Variants in A2ML1 observed in about 807,000 individuals in gnomAD.
The protein encoded by A2ML1 is alpha-2-macroglobulin-like protein 1.
A neutral mutation model predicts 181.9 loss-of-function variants in A2ML1; 161 were observed. That is an observed-to-expected ratio of 0.89 (90% CI 0.78 to 1.01). The LOEUF (loss-of-function observed/expected upper bound fraction) is 1.01, where lower values mean the gene tolerates loss of function less well. Ranked by LOEUF, A2ML1 falls within the 50% of genes least tolerant of loss-of-function variation. The pLI, the probability that A2ML1 is intolerant of heterozygous loss-of-function variation, is 0.00. For synonymous variants in A2ML1, 663 were observed against 666.8 expected (o/e 0.99, Z 0.09); for missense variants, 1,670 against 1,768.1 (o/e 0.94, Z 1.00).
chr12:8,877,906 C>A (rs963751066), downstream of A2ML1, among the ~76,000 whole-genome samples: 4 of 152,150 alleles, frequency 2.6e-5, no homozygotes, highest in African/African-American at 9.7e-5. Flanking sequence ...CAGCACTATT[C>A]ACAATAGCAA....
chr12:8,828,574 G>GGCA (rs1474108016), intron 3 of A2ML1, among the ~76,000 whole-genome samples: 3 of 152,042 alleles, frequency 2.0e-5, no homozygotes, highest in Admixed American at 2.0e-4. Context: ...CGACCCCAAG[G>GGCA]GCCTGCTTGG....
In A2ML1 at chr12:8,868,231, C is replaced by T. The variant is rs201083574; in HGVS notation, c.3935C>T (p.Thr1312Met). The T allele has an allele frequency of 4.3e-5, 69 of 1,613,754 alleles. No homozygotes were observed. Among genetic ancestry groups the T allele is most frequent in the Middle Eastern group, 1.6e-4 (1 of 6,082 alleles). The change falls in exon 31 of 36, where the codon ACG becomes ATG. Residue 1312 changes from threonine to methionine, a missense_variant and splice_region_variant. By Grantham distance (81) the Thr-to-Met change is moderately conservative. Coordinates refer to ENST00000299698, the MANE Select transcript of A2ML1 (RefSeq NM_144670.6). The stretch of plus-strand genomic sequence containing the variant: ...TGGCTACCTATTTCTTCCTACCAGA[C>T]GGTGTTGAGATACAATATTCTCCCT... ...ASGQGCVYVQTVLRYNILPPT... is the reference protein window; with the variant it reads ...ASGQGCVYVQMVLRYNILPPT...
chr12:8,837,657 G>A (rs541685406), intron 8 of A2ML1, 91 bp downstream of exon 8: 322 of 1,375,396 alleles, frequency 2.3e-4, no homozygotes, highest in Non-Finnish European at 2.8e-4. Flanking sequence ...CGAGATGGGC[G>A]GATCACGAGG....
rs1592125869 is a variant in A2ML1, at chr12:8,844,601, G to C, written c.1477-841G>C. On this transcript the variant is annotated intron_variant, in intron 12 of 35. Transcript: ENST00000299698. The stretch of plus-strand genomic sequence containing the variant: ...ATGGAAACCTCAGGTTTGATGGCTC[G>C]GAGCCTCTTTGTTCCGTTATCCTCC... Among the ~76,000 whole-genome samples the C allele has an allele frequency of 2.0e-5, 3 of 152,098 alleles. No homozygotes were observed. In the South Asian group the frequency reaches 6.2e-4, roughly 32 times the overall value.
Position 8,841,555 on chromosome 12 carries a change from C to G in A2ML1, c.1248+19C>G. 1 of 1,590,534 alleles carries G rather than the reference C, an allele frequency of 6.3e-7. No homozygotes were observed. Among genetic ancestry groups the G allele is most frequent in the Non-Finnish European group, 8.6e-7 (1 of 1,168,080 alleles). On this transcript the variant is annotated intron_variant, in intron 11 of 35. Transcript: ENST00000299698. ...TCTGGAGGTAAGCATGGACGGAGGACCAGCTTCCTAGAAAGGAAGGCTTCC... is the reference window on the plus strand; with the variant it reads ...TCTGGAGGTAAGCATGGACGGAGGAGCAGCTTCCTAGAAAGGAAGGCTTCC...
At chr12:8,830,387 C>T (rs1303164644) in intron 4 of A2ML1, among the ~76,000 whole-genome samples, 1 of 143,170 alleles carries the variant, frequency 7.0e-6, no homozygotes, top group Non-Finnish European at 1.5e-5. Flanking sequence ...AACTTCAAGA[C>T]CTTTTCTTCA....
chr12:8,846,541 C>CA (rs1245689094), intron 14 of A2ML1, among the ~76,000 whole-genome samples: 2 of 151,976 alleles, frequency 1.3e-5, no homozygotes, highest in Non-Finnish European at 2.9e-5. Flanking sequence ...CCTGTCTGTA[C>CA]AAAAAAATTT....
chr12:8,836,338 A>C lies in A2ML1; in HGVS notation c.727A>C (p.Arg243=), dbSNP rs1300561154. The C allele has an allele frequency of 6.2e-7, 1 of 1,612,912 alleles. No homozygotes were observed. ...ATCTTTCTTAGTAAAAATTTGTTGTAGGTAAGAGCAGAAGCTTGGGATCTG... is the reference window on the plus strand; with the variant it reads ...ATCTTTCTTAGTAAAAATTTGTTGTCGGTAAGAGCAGAAGCTTGGGATCTG... ...QESFLVKICC[R]YTYGKPMLGA... is the part of the protein sequence containing the mutation. The change falls in exon 7 of 36, where the codon AGG becomes CGG. Residue 243 remains arginine (R), a splice_region_variant and synonymous_variant. Coordinates refer to ENST00000299698, the MANE Select transcript of A2ML1 (RefSeq NM_144670.6).
In A2ML1 at chr12:8,868,564, T is replaced by C; in HGVS notation, c.4089T>C (p.Asn1363=). ...ATGTGGGGAGCCGTAGCTCTTCCAATATGGCTATTGTGGAAGTGAAGATGC... is the reference window on the plus strand; with the variant it reads ...ATGTGGGGAGCCGTAGCTCTTCCAACATGGCTATTGTGGAAGTGAAGATGC... ...TSYVGSRSSS[N]MAIVEVKMLS... is the part of the protein sequence containing the mutation. Residue 1363 remains asparagine (N), a synonymous_variant, in exon 32 of 36, where the codon AAT becomes AAC. Coordinates refer to ENST00000299698, the MANE Select transcript of A2ML1 (RefSeq NM_144670.6). 6.2e-7 allele frequency: 1 copy of C among 1,614,080 alleles called. No homozygotes were observed. Among genetic ancestry groups the C allele is most frequent in the Non-Finnish European group, 8.5e-7 (1 of 1,180,016 alleles).
At chr12:8,867,219 T>C (rs1292919928) in intron 29 of A2ML1, among the ~76,000 whole-genome samples, 1 of 152,254 alleles carries the variant, frequency 6.6e-6, no homozygotes, top group Admixed American at 6.5e-5. Context: ...CTGTAAAATA[T>C]ATACTGAACA....
intron 24 of A2ML1, 61 bp downstream of exon 24, chr12:8,857,401 G>T: frequency 6.8e-7 from 1 of 1,474,560 alleles, no homozygotes; most frequent in Non-Finnish European, 9.3e-7. Flanking sequence ...ATGACAGATT[G>T]ATGATACAGG....
rs79649806 is a variant in A2ML1 at position 8,823,504 on chromosome 12, A to G, written c.246+139A>G. ...CCTATTTTTTCTCAACTTAACCTCA[A>G]TCCCCGGCTATAACTCACCCACGGT... is the stretch of plus-strand genomic sequence containing the variant. On this transcript the variant is annotated intron_variant, in intron 2 of 35. Coordinates refer to ENST00000299698, the MANE Select transcript of A2ML1 (RefSeq NM_144670.6). 1.6e-3 allele frequency: 1,788 copies of G among 1,113,996 alleles called. 26 individuals carry two copies. In the African/African-American group the frequency reaches 0.026, roughly 16 times the overall value. The allele number at this position is 1,113,996 out of a possible 1,614,324, so 69.0% of individuals were successfully genotyped here. A position where few individuals can be genotyped will look rare whatever the true frequency, so the allele number is the denominator to read the frequency against.
At chr12:8,837,415 G>C in intron 7 of A2ML1, 25 bp from the exon 8 acceptor site, 8 of 1,611,990 alleles carry the variant, frequency 5.0e-6, no homozygotes, top group Non-Finnish European at 5.9e-6. Context: ...TCCCAACTCT[G>C]ACTCCTTATG....
chr12:8,841,495 T>G lies in A2ML1; in HGVS notation c.1207T>G (p.Leu403Val). The G allele has an allele frequency of 6.2e-7, 1 of 1,614,122 alleles. No homozygotes were observed. Among genetic ancestry groups the G allele is most frequent in the Non-Finnish European group, 8.5e-7 (1 of 1,180,010 alleles). Residue 403 changes from leucine (L) to valine (V), a missense_variant, in exon 11 of 36, where the codon TTG becomes GTG. Transcript: ENST00000299698. ...TDNNGLAPFTLETSGWNGTDV... is the reference protein window; with the variant it reads ...TDNNGLAPFTVETSGWNGTDV... ...TAACAATGGCCTAGCTCCCTTTACC[T>G]TGGAGACATCCGGTTGGAATGGGAC...
chr12:8,849,481 C>A (rs1451099494), intron 16 of A2ML1, among the ~76,000 whole-genome samples, 188 bp from the exon 17 acceptor site: 2 of 152,192 alleles, frequency 1.3e-5, no homozygotes, highest in East Asian at 3.8e-4. Context: ...TAACTGAAAG[C>A]CTTTCATGCT....
At position 8,838,321 on chromosome 12, in the gene A2ML1, T is replaced by C. The variant is rs754507474; in HGVS notation, c.856-15T>C. 9.4e-6 allele frequency: 15 copies of C among 1,589,132 alleles called. No homozygotes were observed. The Admixed American group carries it at 2.5e-4, about 27-fold the overall frequency. On this transcript the variant is annotated splice_polypyrimidine_tract_variant and intron_variant, in intron 8 of 35. Transcript: ENST00000299698. ...CTCATCTGCTCTCTATCTCTGTCTC[T>C]GATCACCTCACTAGACTGACAAAAC...
At chr12:8,858,726 A>T (rs993276457) in intron 26 of A2ML1, among the ~76,000 whole-genome samples, 1 of 152,126 alleles carries the variant, frequency 6.6e-6, no homozygotes, top group African/African-American at 2.4e-5. Context: ...AAACTCTGGG[A>T]GGGTGGGCCA....
At chr12:8,849,095 A>G (rs1365089059) in intron 16 of A2ML1, among the ~76,000 whole-genome samples, 181 bp downstream of exon 16, 3 of 152,122 alleles carry the variant, frequency 2.0e-5, no homozygotes, top group East Asian at 3.8e-4. Context: ...AAGATGTCCA[A>G]CCTAGTCTTC....
In A2ML1 at chr12:8,829,166, G is replaced by T. The variant is rs1384648119; in HGVS notation, c.410-561G>T. On this transcript the variant is annotated intron_variant, in intron 3 of 35. Transcript: ENST00000299698. Reference sequence around the variant, plus strand: ...ATGACAGTGCTGTTTTGCGTGGGCAGTTGTTCAGTTTGGTGTTACTGTGGG... The same window carrying T: ...ATGACAGTGCTGTTTTGCGTGGGCATTTGTTCAGTTTGGTGTTACTGTGGG... Among the ~76,000 whole-genome samples the T allele has an allele frequency of 2.0e-5, 3 of 152,204 alleles. No homozygotes were observed. The East Asian group carries it at 5.8e-4, about 29-fold the overall frequency.
Sources: gnomAD v4.1 joint callset for allele counts (sites outside exome capture counted in the v4.1 genomes callset) on GRCh38, gnomAD v4.1.1 for gene constraint, MANE v1.5 for transcripts, NCBI Gene and HGNC (gene_info 2026-07-23, HGNC 2026-07-21) for gene names.